The following RTTN variants were observed in gnomAD, a reference collection of about 807,000 sequenced individuals.
RTTN encodes the protein rotatin.
A neutral mutation model predicts 269.2 loss-of-function variants in RTTN; 182 were observed. The ratio of observed to expected loss-of-function variants is 0.68; its 90% CI spans 0.60 to 0.76. The LOEUF is 0.76. Among genes scored for constraint, RTTN ranks in the 30% least tolerant of loss-of-function variants. The pLI is 0.00. For synonymous variants in RTTN, 1,006 were observed against 963.5 expected, an observed-to-expected ratio of 1.04 and a Z score of -0.82; for missense variants, 2,545 against 2,608.6, an observed-to-expected ratio of 0.98 and a Z score of 0.53.
chr18:70,180,633 T>C (rs1046060713), intron 10 of RTTN, among the ~76,000 whole-genome samples: 1 of 146,356 alleles, frequency 6.8e-6, no homozygotes, highest in African/African-American at 2.5e-5. Flanking sequence ...CCCAAGTTCA[T>C]AGTTCATAGT....
In RTTN at chr18:70,095,659, C is replaced by T. The variant is rs550445564; in HGVS notation, c.3904-2855G>A. On this transcript the variant is annotated intron_variant, in intron 28 of 48. Coordinates refer to ENST00000640769, the MANE Select transcript of RTTN (RefSeq NM_173630.4). The stretch of plus-strand genomic sequence containing the variant: ...GCTTGCAGGGTGTCTGAGAGAGATC[C>T]GCTGGTAAGACTAACAGGGATGGGC... Among the ~76,000 whole-genome samples, 11 of 152,198 alleles carry T rather than the reference C, an allele frequency of 7.2e-5. No individual in the cohort carries two copies. In the South Asian group the frequency reaches 1.7e-3, roughly 23 times the overall value.
At position 70,020,695 on chromosome 18, in the gene RTTN, T is replaced by A; in HGVS notation, c.6073A>T (p.Asn2025Tyr). Residue 2025 changes from asparagine (N) to tyrosine (Y), a missense_variant, in exon 45 of 49, where the codon AAC becomes TAC. Transcript: ENST00000640769. ...AAAACCATCTGCTGAACCGTGGTGT[T>A]CTCCAGTGGCATCTGGGAAGCCAAC... ...LKLASQMPLE[N>Y]TTVQQMVFML... 1 of 1,614,096 alleles carries A rather than the reference T, an allele frequency of 6.2e-7. No homozygotes were observed. Among genetic ancestry groups the A allele is most frequent in the African/African-American group, 1.3e-5 (1 of 75,040 alleles).
Position 70,188,133 on chromosome 18 carries a change from T to C in RTTN, c.1280A>G (p.Asp427Gly). 6.2e-7 allele frequency: 1 copy of C among 1,605,054 alleles called. No homozygotes were observed. Among genetic ancestry groups the C allele is most frequent in the Non-Finnish European group, 8.5e-7 (1 of 1,172,076 alleles). The stretch of plus-strand genomic sequence containing the variant: ...CATATCTATACCAAAAAGGCTGCTG[T>C]CATCCCAGATATCTGTTGAAATTGC... ...GEAISTDIWD[D>G]SSLFGIDMKE... is the part of the protein sequence containing the mutation. Residue 427 changes from aspartate to glycine, a missense_variant, in exon 10 of 49, where the codon GAC becomes GGC. Coordinates refer to ENST00000640769, the MANE Select transcript of RTTN (RefSeq NM_173630.4).
chr18:70,107,810 G>A (rs947747384), intron 28 of RTTN, among the ~76,000 whole-genome samples: 1 of 152,078 alleles, frequency 6.6e-6, no homozygotes, highest in Non-Finnish European at 1.5e-5. Context: ...CAATGAAAGG[G>A]GACCTCACTA....
intron 34 of RTTN, among the ~76,000 whole-genome samples, chr18:70,070,906 A>G (rs1174660545): frequency 1.3e-5 from 2 of 152,192 alleles, no homozygotes; most frequent in Non-Finnish European, 2.9e-5. Context: ...GTCCCTTGCA[A>G]ATGTTTGTAT....
chr18:70,184,226 C>G (rs2061482385), intron 10 of RTTN, among the ~76,000 whole-genome samples: 1 of 152,202 alleles, frequency 6.6e-6, no homozygotes, highest in Non-Finnish European at 1.5e-5. Context: ...GACCTATACA[C>G]TGACAACTTC....
chr18:70,175,906 A>G (rs1053197590), intron 11 of RTTN, among the ~76,000 whole-genome samples: 3 of 152,168 alleles, frequency 2.0e-5, no homozygotes, highest in Admixed American at 1.3e-4. Flanking sequence ...GAAATAGTGA[A>G]TAAGTAAAGA....
chr18:70,107,537 A>T (rs931697739), intron 28 of RTTN, among the ~76,000 whole-genome samples: 7 of 152,362 alleles, frequency 4.6e-5, no homozygotes, highest in Non-Finnish European at 1.0e-4. Context: ...TGATGATAAA[A>T]ACATGGCATA....
chr18:70,030,790 G>A lies in RTTN; in HGVS notation c.5647+86C>T, dbSNP rs965254655. ...TTATACTATACGTTTTTTACATTTT[G>A]AGTCCAAAGAAAATTAACTTGAACA... On this transcript the variant is annotated intron_variant, in intron 41 of 48. Coordinates refer to ENST00000640769, the MANE Select transcript of RTTN (RefSeq NM_173630.4). The A allele has an allele frequency of 6.0e-6, 6 of 994,082 alleles. No individual in the cohort carries two copies. The African/African-American group carries it at 8.1e-5, about 13-fold the overall frequency. 61.6% of individuals were successfully genotyped at this position (994,082 alleles called of 1,614,324 possible). A position where few individuals can be genotyped will look rare whatever the true frequency, so the allele number is the denominator to read the frequency against.
chr18:70,204,055 T>C, intron 3 of RTTN, 31 bp downstream of exon 3: 2 of 1,463,142 alleles, frequency 1.4e-6, no homozygotes, highest in Non-Finnish European at 9.4e-7. Context: ...AGAATTAATA[T>C]ATTTGTATTT....
chr18:70,105,938 A>G (rs1015865133), intron 28 of RTTN, among the ~76,000 whole-genome samples: 1 of 152,202 alleles, frequency 6.6e-6, no homozygotes, highest in African/African-American at 2.4e-5. Flanking sequence ...TAATTAACTG[A>G]TTCACTAACC....
intron 14 of RTTN, 138 bp downstream of exon 14, chr18:70,165,924 T>C (rs1179969534): frequency 8.5e-6 from 6 of 706,574 alleles, no homozygotes; most frequent in Non-Finnish European, 1.3e-5. Context: ...CAGAATTGAC[T>C]AGTAATTATC....
chr18:70,164,828 C>A (rs1306742294), intron 14 of RTTN, among the ~76,000 whole-genome samples: 1 of 151,910 alleles, frequency 6.6e-6, no homozygotes, highest in Non-Finnish European at 1.5e-5. Context: ...AAGTCCTAAG[C>A]AAGATAAATG....
chr18:70,149,301 G>A (rs1212133915), intron 16 of RTTN, among the ~76,000 whole-genome samples: 5 of 152,018 alleles, frequency 3.3e-5, no homozygotes, highest in Non-Finnish European at 7.4e-5. Flanking sequence ...TATTTTCTAA[G>A]ATTCTAATAG....
intron 5 of RTTN, among the ~76,000 whole-genome samples, chr18:70,198,371 C>T (rs571224929): frequency 6.6e-6 from 1 of 152,314 alleles, no homozygotes; most frequent in Admixed American, 6.5e-5. Flanking sequence ...GCCTTTGGGA[C>T]TGACTCAAAA....
At position 70,128,469 on chromosome 18, in the gene RTTN, C is replaced by A; in HGVS notation, c.3032G>T (p.Cys1011Phe). 1 of 1,613,236 alleles carries A rather than the reference C, an allele frequency of 6.2e-7. No individual in the cohort carries two copies. The highest frequency in any genetic ancestry group is 8.5e-7 in the Non-Finnish European group (1 of 1,179,518). ...YSIVLPLSAD[C>F]LALKPVSDML... ...ATCTGACACCGGCTTCAAGGCCAAA[C>A]AATCAGCAGATAAGGGCAAAACTAT... Residue 1011 changes from cysteine to phenylalanine, a missense_variant, in exon 24 of 49, where the codon TGT (cysteine) becomes TTT (phenylalanine). Transcript: ENST00000640769.
chr18:70,006,377 T>C lies in RTTN; in HGVS notation c.6525+4A>G, dbSNP rs1226566277. The C allele has an allele frequency of 6.2e-7, 1 of 1,609,044 alleles. No individual in the cohort carries two copies. ...CAGGTGTAACAATGATTTTTAAAAC[T>C]GACCTTCTGATAATTGTAAATCAGA... On this transcript the variant is annotated splice_donor_region_variant and intron_variant, in intron 47 of 48. Coordinates refer to ENST00000640769, the MANE Select transcript of RTTN (RefSeq NM_173630.4).
intron 20 of RTTN, 159 bp downstream of exon 20, chr18:70,139,941 A>G (rs542073844): frequency 1.6e-6 from 1 of 643,668 alleles, no homozygotes; most frequent in African/African-American, 1.9e-5. Context: ...CTTTATAGAG[A>G]CTCCACTTTT....
chr18:70,054,586 C>G (rs936060899), intron 37 of RTTN, among the ~76,000 whole-genome samples: 3 of 152,130 alleles, frequency 2.0e-5, no homozygotes. Context: ...TAATGCCAGT[C>G]CTTTGAGAGG....
Sources: gnomAD v4.1 joint callset for allele counts (sites outside exome capture counted in the v4.1 genomes callset) on GRCh38, gnomAD v4.1.1 for gene constraint, MANE v1.5 for transcripts, NCBI Gene and HGNC (gene_info 2026-07-23, HGNC 2026-07-21) for gene names.